The following VTI1A variants were observed in gnomAD, a reference collection of about 807,000 sequenced individuals.
VTI1A encodes the protein vesicle transport through interaction with t-SNAREs 1A, also known as vesicle transport through interaction with t-SNAREs homolog 1A.
Under a neutral mutation model 34.9 loss-of-function variants are expected in VTI1A, and 22 were observed. That is an observed-to-expected ratio of 0.63 (90% CI 0.45 to 0.90). The LOEUF is 0.90. VTI1A is among the 40% of genes least tolerant of loss of function. The pLI is 0.00. For missense variants in VTI1A, 268 were observed against 275.6 expected (o/e 0.97, Z 0.20); for synonymous variants, 87 against 97.3 (o/e 0.89, Z 0.62).
chr10:112,631,252 AT>A (rs1189890521), intron 5 of VTI1A, among the ~76,000 whole-genome samples: 1 of 152,220 alleles, frequency 6.6e-6, no homozygotes. Context: ...TTATTTATTT[AT>A]TTTAATGAGG....
At chr10:112,496,303 CTCATGCCTGTAA>C (rs1849025313) in intron 3 of VTI1A, among the ~76,000 whole-genome samples, 4 of 151,400 alleles carry the variant, frequency 2.6e-5, no homozygotes. Flanking sequence ...GGTGCAGTGG[CTCATGCCTGTAA>C]TCCCAGCACT....
At chr10:112,478,236 G>A (rs1848344189) in intron 3 of VTI1A, among the ~76,000 whole-genome samples, 1 of 152,160 alleles carries the variant, frequency 6.6e-6, no homozygotes, top group South Asian at 2.1e-4. Flanking sequence ...AGTCAGAAAA[G>A]CCCAGGCAGT....
chr10:112,716,865 C>T (rs1262990947), intron 7 of VTI1A, among the ~76,000 whole-genome samples: 1 of 152,172 alleles, frequency 6.6e-6, no homozygotes, highest in Admixed American at 6.5e-5. Flanking sequence ...ACAAACTGTT[C>T]CGTTTTACTT....
At chr10:112,466,540 G>A (rs1847899357) in intron 3 of VTI1A, among the ~76,000 whole-genome samples, 1 of 152,126 alleles carries the variant, frequency 6.6e-6, no homozygotes, top group South Asian at 2.1e-4. Context: ...GTTTTTCTCA[G>A]TAAAAATATG....
At chr10:112,759,048 TC>T (rs1851373336) in intron 7 of VTI1A, among the ~76,000 whole-genome samples, 1 of 152,134 alleles carries the variant, frequency 6.6e-6, no homozygotes, top group Admixed American at 6.5e-5. Context: ...CCTGCCCTGT[TC>T]CCTCCCAGGC....
intron 7 of VTI1A, among the ~76,000 whole-genome samples, chr10:112,739,913 A>G (rs1170802002): frequency 1.3e-5 from 2 of 152,258 alleles, no homozygotes; most frequent in Non-Finnish European, 2.9e-5. Flanking sequence ...AGTAGCTACA[A>G]TTGGCTCTTC....
chr10:112,591,949 C>G (rs900119082), intron 5 of VTI1A, among the ~76,000 whole-genome samples: 2 of 152,168 alleles, frequency 1.3e-5, no homozygotes, highest in African/African-American at 2.4e-5. Flanking sequence ...AGAAGAGATT[C>G]AGCAGAAAGG....
chr10:112,551,255 A>C (rs1213914205), intron 5 of VTI1A, among the ~76,000 whole-genome samples: 1 of 151,506 alleles, frequency 6.6e-6, no homozygotes, highest in Non-Finnish European at 1.5e-5. Flanking sequence ...AAAAAAAAAA[A>C]AAAAAAAAAA....
At chr10:112,847,092 G>A in the VTI1A span, among the ~76,000 whole-genome samples, 1 of 152,222 alleles carries the variant, frequency 6.6e-6, no homozygotes, top group African/African-American at 2.4e-5. Flanking sequence ...TGTTGGAAGG[G>A]TTGGCTCCTG....
chr10:112,575,125 T>C (rs1370042505), intron 5 of VTI1A, among the ~76,000 whole-genome samples: 11 of 152,222 alleles, frequency 7.2e-5, no homozygotes, highest in Admixed American at 7.2e-4. Context: ...CCTTGTATGG[T>C]TTGCTCACCT....
the VTI1A span, among the ~76,000 whole-genome samples, chr10:112,830,252 T>A: frequency 1.3e-5 from 2 of 152,078 alleles, no homozygotes; most frequent in African/African-American, 4.8e-5. Context: ...TTCCTTCCCA[T>A]GGCCCGTCCA....
chr10:112,585,637 G>C (rs1844119785), intron 5 of VTI1A, among the ~76,000 whole-genome samples: 1 of 147,590 alleles, frequency 6.8e-6, no homozygotes, highest in Non-Finnish European at 1.5e-5. Flanking sequence ...AAGTGGTACA[G>C]AGAAACAACA....
intron 7 of VTI1A, among the ~76,000 whole-genome samples, chr10:112,785,264 A>G (rs541368205): frequency 2.6e-5 from 4 of 152,306 alleles, no homozygotes; most frequent in African/African-American, 9.6e-5. Context: ...GCCTTCCTGA[A>G]GGCAGCCATT....
intron 3 of VTI1A, among the ~76,000 whole-genome samples, chr10:112,504,717 A>G (rs181440208): frequency 3.9e-4 from 59 of 152,324 alleles, no homozygotes; most frequent in Non-Finnish European, 1.3e-4. Context: ...GTTGTCCTCT[A>G]TGGGGGATGT....
intron 7 of VTI1A, among the ~76,000 whole-genome samples, chr10:112,677,132 G>C (rs1286591634): frequency 2.0e-5 from 3 of 152,190 alleles, no homozygotes; most frequent in Non-Finnish European, 4.4e-5. Flanking sequence ...GCAGGGGACG[G>C]ACAGACAGAC....
In VTI1A at chr10:112,668,976, A is replaced by T; in HGVS notation, c.538A>T (p.Ile180Phe). 6.2e-7 allele frequency: 1 copy of T among 1,612,524 alleles called. No homozygotes were observed. Among genetic ancestry groups the T allele is most frequent in the Non-Finnish European group, 8.5e-7 (1 of 1,178,790 alleles). The change falls in exon 7 of 8, where the codon ATT (isoleucine) becomes TTT (phenylalanine). Residue 180 changes from isoleucine to phenylalanine, a missense_variant. Physicochemically the swap from Ile to Phe is conservative, Grantham distance 21. Transcript: ENST00000393077. ...TGCTAATTTGGGAAAAAGCTCCAGG[A>T]TTCTGACAGGGATGTTGCGAAGGTA... ...TDANLGKSSR[I>F]LTGMLRRIIQ...
rs139623969 is a variant in VTI1A at position 112,640,427 on chromosome 10, C to T, written c.428-27791C>T. ...TTATTTTGCCCATAGCTTGCCTCCT[C>T]TCCCACTCCTCCTGCTCCCACCTCT... On this transcript the variant is annotated intron_variant, in intron 5 of 7. Coordinates refer to ENST00000393077, the MANE Select transcript of VTI1A (RefSeq NM_145206.4). 4.4e-3 allele frequency among the ~76,000 whole-genome samples: 666 copies of T among 152,254 alleles called. 6 individuals are homozygous for T. The highest frequency in any genetic ancestry group is 0.015 in the African/African-American group (643 of 41,544).
At chr10:112,812,317 C>T (rs1853345724) in intron 7 of VTI1A, among the ~76,000 whole-genome samples, 1 of 152,220 alleles carries the variant, frequency 6.6e-6, no homozygotes, top group African/African-American at 2.4e-5. Flanking sequence ...AAGCCCTCCC[C>T]TTGCCCAAAG....
At chr10:112,732,234 C>A (rs1009843017) in intron 7 of VTI1A, among the ~76,000 whole-genome samples, 6 of 152,112 alleles carry the variant, frequency 3.9e-5, no homozygotes, top group Non-Finnish European at 7.4e-5. Flanking sequence ...GGGAAGGCAG[C>A]TACATCTGGC....
Sources: gnomAD v4.1 joint callset for allele counts (sites outside exome capture counted in the v4.1 genomes callset) on GRCh38, gnomAD v4.1.1 for gene constraint, MANE v1.5 for transcripts, NCBI Gene and HGNC (gene_info 2026-07-23, HGNC 2026-07-21) for gene names.